The following ZNF700 variants were observed in gnomAD, a reference collection of about 807,000 sequenced individuals.
ZNF700 encodes the protein zinc finger protein 700.
Under a neutral mutation model 65.3 loss-of-function variants are expected in ZNF700, and 38 were observed. That is an observed-to-expected ratio of 0.58 (90% CI 0.45 to 0.76). ZNF700 has a LOEUF of 0.76. ZNF700 is among the 30% of genes least tolerant of loss of function. The probability of loss-of-function intolerance (pLI) is 0.00; values close to 1 mark genes in which losing one functional copy is unlikely to be tolerated. For synonymous variants in ZNF700, 285 were observed against 290.4 expected, an observed-to-expected ratio of 0.98 and a Z score of 0.19; for missense variants, 857 against 888.4, an observed-to-expected ratio of 0.96 and a Z score of 0.45.
chr19:11,939,100 A>G (rs1439540409), intron 1 of ZNF700, among the ~76,000 whole-genome samples: 1 of 152,090 alleles, frequency 6.6e-6, no homozygotes, highest in Non-Finnish European at 1.5e-5. Context: ...AAATTTGTTT[A>G]AGTTCTTTGT....
chr19:11,936,450 AT>A (rs1410454661), intron 1 of ZNF700, among the ~76,000 whole-genome samples: 1 of 152,052 alleles, frequency 6.6e-6, no homozygotes, highest in Non-Finnish European at 1.5e-5. Flanking sequence ...GTTGATGAGC[AT>A]TTTTTCATGT....
intron 1 of ZNF700, among the ~76,000 whole-genome samples, chr19:11,934,109 A>G (rs73506896): frequency 0.12 from 17,116 of 147,590 alleles, 3,570 homozygotes; most frequent in African/African-American, 0.33. Flanking sequence ...CATGGGAGAC[A>G]GAGGTGAGAC....
At position 11,950,210 on chromosome 19, in the gene ZNF700, A is replaced by G. The variant is rs1973044455; in HGVS notation, c.2186A>G (p.Glu729Gly). The G allele has an allele frequency of 1.2e-6, 2 of 1,613,014 alleles. No individual in the cohort carries two copies. The highest frequency in any genetic ancestry group is 2.2e-5 in the East Asian group (1 of 44,880). The change falls in exon 4 of 4, where the codon GAG (glutamate) becomes GGG (glycine). Residue 729 changes from glutamate to glycine, a missense_variant. Coordinates refer to ENST00000254321, the MANE Select transcript of ZNF700 (RefSeq NM_144566.3). ...ATACACGCAAGGACTCATATGGGAG[A>G]GAAGCCATATGAATGTAAGGATTGT... Reference protein sequence around the residue: ...LHIHARTHMGEKPYECKDCGK... With the variant: ...LHIHARTHMGGKPYECKDCGK...
chr19:11,945,375 C>G (rs1211340247), intron 1 of ZNF700, among the ~76,000 whole-genome samples: 4 of 152,178 alleles, frequency 2.6e-5, no homozygotes, highest in Admixed American at 2.6e-4. Flanking sequence ...TCTTTCTGAG[C>G]TTGATTGACC....
chr19:11,947,112 G>A, intron 1 of ZNF700, 69 bp from the exon 2 acceptor site: 1 of 1,559,546 alleles, frequency 6.4e-7, no homozygotes, highest in Non-Finnish European at 8.6e-7. Context: ...GAACTTCTTG[G>A]GAATAGAGTC....
At chr19:11,938,798 C>T (rs1358880659) in intron 1 of ZNF700, among the ~76,000 whole-genome samples, 1 of 152,152 alleles carries the variant, frequency 6.6e-6, no homozygotes, top group Non-Finnish European at 1.5e-5. Flanking sequence ...GAGGAATCAC[C>T]ACACTGTCTT....
At chr19:11,935,331 G>C (rs279244) in intron 1 of ZNF700, among the ~76,000 whole-genome samples, 24,087 of 145,780 alleles carry the variant, frequency 0.17, 4,212 homozygotes, top group African/African-American at 0.45. Context: ...CTGCCTCCCA[G>C]GTTCAAGTGA....
intron 1 of ZNF700, among the ~76,000 whole-genome samples, chr19:11,939,409 G>T (rs889092274): frequency 7.9e-5 from 12 of 152,128 alleles, no homozygotes; most frequent in Non-Finnish European, 1.6e-4. Flanking sequence ...TGTATAAGGC[G>T]TAAGGAAGGG....
Position 11,948,769 on chromosome 19 carries a change from C to T in ZNF700, c.745C>T (p.Pro249Ser), listed in dbSNP as rs751227294. ...IHERTHTGEK[P>S]YECKQCGKSF... ...TGAAAGAACTCACACTGGAGAGAAA[C>T]CATATGAATGTAAACAATGTGGTAA... The change falls in exon 4 of 4, where the codon CCA (proline) becomes TCA (serine). Residue 249 changes from proline (P) to serine (S), a missense_variant. Pro to Ser is a moderately conservative substitution (Grantham distance 74). Coordinates refer to ENST00000254321, the MANE Select transcript of ZNF700 (RefSeq NM_144566.3). 64 of 1,611,244 alleles carry T rather than the reference C, an allele frequency of 4.0e-5. 1 individual carries two copies. The highest frequency in any genetic ancestry group is 4.7e-5 in the Non-Finnish European group (56 of 1,179,466).
In ZNF700 at chr19:11,925,206, G is replaced by A. The variant is rs8105892; in HGVS notation, c.-5G>A. ...CCAGGCTTCTGTCGCTCTGTCGCCTGCGCTATGCCCTGCTGTAGTCACAGG... is the reference window on the plus strand; with the variant it reads ...CCAGGCTTCTGTCGCTCTGTCGCCTACGCTATGCCCTGCTGTAGTCACAGG... On this transcript the variant is annotated 5_prime_UTR_variant, in exon 1 of 4. Coordinates refer to ENST00000254321, the MANE Select transcript of ZNF700 (RefSeq NM_144566.3). 470 of 1,612,526 alleles carry A rather than the reference G, an allele frequency of 2.9e-4. 4 individuals carry two copies. The African/African-American group carries it at 5.8e-3, about 20-fold the overall frequency.
chr19:11,946,728 C>T (rs1972965020), intron 1 of ZNF700: 1 of 154,228 alleles, frequency 6.5e-6, no homozygotes, highest in Admixed American at 6.5e-5. Context: ...CATAGTCTCC[C>T]TTAAATCCCT....
chr19:11,944,963 CCTT>C (rs1269018420), intron 1 of ZNF700, among the ~76,000 whole-genome samples: 1 of 152,232 alleles, frequency 6.6e-6, no homozygotes, highest in Non-Finnish European at 1.5e-5. Flanking sequence ...CCACATCCAT[CCTT>C]CTTCCATCAC....
Position 11,925,113 on chromosome 19 carries a change from C to A in ZNF700, c.-98C>A. ...AAATGGAGGGGGTCGCTTTCCTCAC[C>A]TTCCTCGCTGCGCGGGCGGCGGTTG... On this transcript the variant is annotated 5_prime_UTR_variant, in exon 1 of 4. Coordinates refer to ENST00000254321, the MANE Select transcript of ZNF700 (RefSeq NM_144566.3). The A allele has an allele frequency of 1.4e-6, 2 of 1,470,814 alleles. No individual in the cohort carries two copies. The highest frequency in any genetic ancestry group is 1.9e-6 in the Non-Finnish European group (2 of 1,067,672). 91.1% of individuals were successfully genotyped at this position (1,470,814 alleles called of 1,614,324 possible). A position where few individuals can be genotyped will look rare whatever the true frequency, so the allele number is the denominator to read the frequency against.
chr19:11,939,275 G>A (rs1220673844), intron 1 of ZNF700, among the ~76,000 whole-genome samples: 1 of 152,280 alleles, frequency 6.6e-6, no homozygotes, highest in Admixed American at 6.5e-5. Flanking sequence ...CATTGCTTTT[G>A]GTGTTTTAGT....
chr19:11,949,372 G>A lies in ZNF700; in HGVS notation c.1348G>A (p.Glu450Lys), dbSNP rs750710904. 6.2e-7 allele frequency: 1 copy of A among 1,607,500 alleles called. No homozygotes were observed. Among genetic ancestry groups the A allele is most frequent in the Non-Finnish European group, 8.5e-7 (1 of 1,178,206 alleles). The change falls in exon 4 of 4, where the codon GAA (glutamate) becomes AAA (lysine). Residue 450 changes from glutamate (E) to lysine (K), a missense_variant. Transcript: ENST00000254321. The stretch of plus-strand genomic sequence containing the variant: ...TGGAGAGAAACCCTATGAATGTAAG[G>A]AATGTGGGAAAGCCTTCAGATCTAC... The part of the protein sequence containing the change: ...HTGEKPYECK[E>K]CGKAFRSTSH...
chr19:11,928,718 C>T (rs1360916953), intron 1 of ZNF700, among the ~76,000 whole-genome samples: 3 of 124,558 alleles, frequency 2.4e-5, no homozygotes, highest in Admixed American at 8.8e-5. Flanking sequence ...GGCGACAGAG[C>T]GAGACTCCGT....
intron 1 of ZNF700, among the ~76,000 whole-genome samples, chr19:11,939,444 G>C (rs1252047473): frequency 6.6e-6 from 1 of 152,146 alleles, no homozygotes; most frequent in East Asian, 1.9e-4. Flanking sequence ...TTCTACATAT[G>C]GCTAGCCAGT....
chr19:11,928,731 CAAA>C (rs779525520), intron 1 of ZNF700, among the ~76,000 whole-genome samples: 8,797 of 53,270 alleles, frequency 0.17, 947 homozygotes, highest in African/African-American at 0.38. Flanking sequence ...GACTCCGTCT[CAAA>C]AAAAAAAAAA....
chr19:11,937,333 A>G (rs1228454988), intron 1 of ZNF700, among the ~76,000 whole-genome samples: 2 of 151,992 alleles, frequency 1.3e-5, no homozygotes, highest in Non-Finnish European at 1.5e-5. Flanking sequence ...GTATGCCACC[A>G]TGTCTAATTA....
Sources: allele counts gnomAD v4.1 joint callset (sites outside exome capture counted in the v4.1 genomes callset), GRCh38; gene constraint gnomAD v4.1.1; transcripts MANE v1.5; gene names NCBI Gene and HGNC (gene_info 2026-07-23, HGNC 2026-07-21).